The following SLC25A26 variants were observed in gnomAD, a reference collection of about 807,000 sequenced individuals.
SLC25A26 encodes solute carrier family 25 member 26.
Under a neutral mutation model 37.8 loss-of-function variants are expected in SLC25A26, and 36 were observed. The ratio of observed to expected loss-of-function variants is 0.95; its 90% confidence interval spans 0.73 to 1.26. The LOEUF (loss-of-function observed/expected upper bound fraction) is 1.26. SLC25A26 is among the 50% of genes most tolerant of loss of function. SLC25A26 has a pLI of 0.00. For synonymous variants in SLC25A26, 129 were observed against 122.5 expected, an observed-to-expected ratio of 1.05 and a Z score of -0.35; for missense variants, 390 against 331.1, an observed-to-expected ratio of 1.18 and a Z score of -1.38.
intron 5 of SLC25A26, among the ~76,000 whole-genome samples, chr3:66,296,045 A>G (rs1469208067): frequency 6.6e-6 from 1 of 151,848 alleles, no homozygotes; most frequent in Non-Finnish European, 1.5e-5. Flanking sequence ...TGAACCCGGG[A>G]GGCGGAGGTT....
At chr3:66,339,303 T>C (rs1291439671) in intron 5 of SLC25A26, among the ~76,000 whole-genome samples, 1 of 152,050 alleles carries the variant, frequency 6.6e-6, no homozygotes, top group Non-Finnish European at 1.5e-5. Flanking sequence ...AAAGTTCTTT[T>C]TATATTTTAA....
At chr3:66,182,445 G>A (rs1430382856) in intron 1 of SLC25A26, among the ~76,000 whole-genome samples, 1 of 152,098 alleles carries the variant, frequency 6.6e-6, no homozygotes, top group East Asian at 1.9e-4. Flanking sequence ...TGAATTGTGA[G>A]AGCTGAGATC....
At chr3:66,245,776 A>G (rs1043147546) in intron 3 of SLC25A26, among the ~76,000 whole-genome samples, 24 of 152,220 alleles carry the variant, frequency 1.6e-4, no homozygotes, top group African/African-American at 5.5e-4. Context: ...AAAAGTTAAC[A>G]TGAAGAAGAT....
chr3:66,311,320 G>A (rs1019116572), intron 5 of SLC25A26, among the ~76,000 whole-genome samples: 10 of 151,978 alleles, frequency 6.6e-5, no homozygotes, highest in Non-Finnish European at 2.9e-5. Flanking sequence ...AAATTCTCGT[G>A]CTGTGTTTTC....
chr3:66,188,238 C>A (rs1395942196), intron 1 of SLC25A26, among the ~76,000 whole-genome samples: 3 of 152,178 alleles, frequency 2.0e-5, no homozygotes, highest in African/African-American at 4.8e-5. Flanking sequence ...TGATCTTCAC[C>A]TGCAACCCCA....
chr3:66,315,059 A>C (rs2075496304), intron 5 of SLC25A26, among the ~76,000 whole-genome samples: 1 of 148,020 alleles, frequency 6.8e-6, no homozygotes, highest in Non-Finnish European at 1.5e-5. Flanking sequence ...ATTTTTTAAA[A>C]ACTAGCTCCT....
At chr3:66,192,099 G>C (rs1041174723) in intron 1 of SLC25A26, among the ~76,000 whole-genome samples, 2 of 151,804 alleles carry the variant, frequency 1.3e-5, no homozygotes, top group Non-Finnish European at 2.9e-5. Context: ...GGCAGATCAC[G>C]AGGTCAGGAG....
chr3:66,370,530 C>T lies in SLC25A26; in HGVS notation c.635C>T (p.Ala212Val). The change falls in exon 9 of 10, where the codon GCT becomes GTT. Residue 212 changes from alanine (A) to valine (V), a missense_variant and splice_region_variant. Coordinates refer to ENST00000354883, the MANE Select transcript of SLC25A26 (RefSeq NM_001379210.1). ...GTTTCTCTTTGTCTGTTCACACAGG[C>T]TGGCTCCAGCACTGCTGATGGGAAT... ...VAKTRITLAK[A>V]GSSTADGNVL... 6.2e-7 allele frequency: 1 copy of T among 1,613,632 alleles called. No homozygotes were observed. The highest frequency in any genetic ancestry group is 8.5e-7 in the Non-Finnish European group (1 of 1,179,680).
At chr3:66,233,053 G>C (rs1459093589) in intron 1 of SLC25A26, among the ~76,000 whole-genome samples, 2 of 152,210 alleles carry the variant, frequency 1.3e-5, no homozygotes, top group Non-Finnish European at 2.9e-5. Context: ...GTTATGGCTG[G>C]CTCTTCTTAG....
intron 1 of SLC25A26, among the ~76,000 whole-genome samples, chr3:66,223,192 TTAGA>T (rs1252935035): frequency 6.6e-6 from 1 of 152,186 alleles, no homozygotes; most frequent in Non-Finnish European, 1.5e-5. Flanking sequence ...GGTGAACCTC[TTAGA>T]TGGAGTGACC....
chr3:66,231,463 G>T (rs992349469), intron 1 of SLC25A26, among the ~76,000 whole-genome samples: 3 of 151,780 alleles, frequency 2.0e-5, no homozygotes, highest in African/African-American at 7.3e-5. Flanking sequence ...AATTAACAAG[G>T]TTGTTTAAAA....
chr3:66,165,768 C>T, intron 1 of SLC25A26, among the ~76,000 whole-genome samples: 1 of 152,024 alleles, frequency 6.6e-6, no homozygotes, highest in East Asian at 1.9e-4. Flanking sequence ...TTTGCCTTTT[C>T]CCCCCATCAA....
intron 6 of SLC25A26, among the ~76,000 whole-genome samples, chr3:66,351,001 C>T (rs1470684971): frequency 1.3e-5 from 2 of 152,080 alleles, no homozygotes; most frequent in African/African-American, 4.8e-5. Context: ...TTTAAAACAT[C>T]TTATAGTGTT....
chr3:66,289,506 G>A (rs2074631730), intron 5 of SLC25A26, among the ~76,000 whole-genome samples: 1 of 152,158 alleles, frequency 6.6e-6, no homozygotes. Context: ...TGTATAAAGA[G>A]TAAAGAAGGG....
chr3:66,139,477 T>G (rs1488540582), intron 1 of SLC25A26, among the ~76,000 whole-genome samples: 2 of 152,222 alleles, frequency 1.3e-5, no homozygotes. Flanking sequence ...AGATAAAAAT[T>G]TCTTTGGGAA....
intron 1 of SLC25A26, among the ~76,000 whole-genome samples, chr3:66,215,146 A>C (rs999191436): frequency 1.2e-4 from 18 of 152,304 alleles, no homozygotes; most frequent in Admixed American, 1.1e-3. Flanking sequence ...AACAAAAAAC[A>C]AAAACAAAAA....
At chr3:66,318,792 T>G (rs979019989) in intron 5 of SLC25A26, among the ~76,000 whole-genome samples, 2 of 152,016 alleles carry the variant, frequency 1.3e-5, no homozygotes, top group African/African-American at 4.8e-5. Flanking sequence ...GCTGGGACCA[T>G]AGATATGCAC....
At chr3:66,340,906 C>G (rs2076195022) in intron 5 of SLC25A26, among the ~76,000 whole-genome samples, 1 of 151,176 alleles carries the variant, frequency 6.6e-6, no homozygotes, top group Non-Finnish European at 1.5e-5. Flanking sequence ...AGTCGTTTTT[C>G]ATTTATTTGC....
chr3:66,346,390 C>A lies in SLC25A26; in HGVS notation c.480C>A (p.Pro160=). The A allele has an allele frequency of 6.7e-7, 1 of 1,484,752 alleles. No homozygotes were observed. Among genetic ancestry groups the A allele is most frequent in the Non-Finnish European group, 9.0e-7 (1 of 1,112,426 alleles). 92.0% of individuals were successfully genotyped at this position (1,484,752 alleles called of 1,614,324 possible). ...REIPFSLVQF[P]LWESLKALWS... is the part of the protein sequence containing the mutation. ...TTCCTTTTTCTTTGGTCCAGTTTCC[C>A]TTATGGGAGTCCTTAAAAGTAAGTT... Residue 160 remains proline (P), a synonymous_variant, in exon 6 of 10, where the codon CCC becomes CCA. Transcript: ENST00000354883.
Sources: allele counts gnomAD v4.1 joint callset (sites outside exome capture counted in the v4.1 genomes callset), GRCh38; gene constraint gnomAD v4.1.1; transcripts MANE v1.5; gene names NCBI Gene and HGNC (gene_info 2026-07-23, HGNC 2026-07-21).